PCDH9: variants seen among roughly 807,000 people sequenced by gnomAD.
The protein encoded by PCDH9 is protocadherin 9, also known as protocadherin-9.
Under a neutral mutation model 70.6 loss-of-function variants are expected in PCDH9, and 24 were observed. The ratio of observed to expected loss-of-function variants is 0.34; its 90% CI spans 0.25 to 0.48. The LOEUF (loss-of-function observed/expected upper bound fraction) is 0.48, where lower values mean the gene tolerates loss of function less well. Ranked by LOEUF, PCDH9 falls within the 20% of genes least tolerant of loss-of-function variation. The pLI is 0.99. For missense variants in PCDH9, 1,281 were observed against 1,503.6 expected (o/e 0.85, Z 2.45); for synonymous variants, 562 against 558.5 (o/e 1.01, Z -0.09).
At chr13:66,735,031 G>A (rs1232369399) in intron 3 of PCDH9, among the ~76,000 whole-genome samples, 1 of 152,136 alleles carries the variant, frequency 6.6e-6, no homozygotes, top group African/African-American at 2.4e-5. Flanking sequence ...TAAAATACGA[G>A]GAATAGCTTG....
chr13:66,716,242 C>G (rs1278765148), intron 3 of PCDH9, among the ~76,000 whole-genome samples: 1 of 152,096 alleles, frequency 6.6e-6, no homozygotes, highest in Non-Finnish European at 1.5e-5. Flanking sequence ...AGAAAAATAG[C>G]AGTATGTAGT....
rs57689980 is a variant in PCDH9, at chr13:66,822,494, A to ATT, written c.3138+81008_3138+81009dup. ...TCGTCTGAATTTGTGATGTCCTGGA[A>ATT]TTTTTTTTTTTTTTTTTTTTTGAGA... On this transcript the variant is annotated intron_variant, in intron 3 of 4. Transcript: ENST00000377865. 1.7e-3 allele frequency among the ~76,000 whole-genome samples: 196 copies of ATT among 118,146 alleles called. 4 individuals carry two copies. In the East Asian group the frequency reaches 0.018, roughly 11 times the overall value. The allele number at this position is 118,146 out of a possible 152,430, so 77.5% of individuals were successfully genotyped here. A position where few individuals can be genotyped will look rare whatever the true frequency, so the allele number is the denominator to read the frequency against.
intron 2 of PCDH9, among the ~76,000 whole-genome samples, chr13:67,142,693 A>G (rs2087424397): frequency 6.6e-6 from 1 of 152,172 alleles, no homozygotes. Flanking sequence ...TTTCTGAAAT[A>G]GAAACCTTTG....
chr13:66,388,057 A>AT (rs1956959651), intron 4 of PCDH9, among the ~76,000 whole-genome samples: 1 of 152,208 alleles, frequency 6.6e-6, no homozygotes, highest in Admixed American at 6.5e-5. Flanking sequence ...AGAGAGGGTG[A>AT]TTATTGCAAA....
At chr13:66,693,645 A>C (rs1341296853) in intron 3 of PCDH9, among the ~76,000 whole-genome samples, 1 of 152,200 alleles carries the variant, frequency 6.6e-6, no homozygotes, top group African/African-American at 2.4e-5. Context: ...AATAGCAAAT[A>C]AAAATTGTTT....
chr13:66,673,479 A>G (rs2078204583), intron 3 of PCDH9, among the ~76,000 whole-genome samples: 2 of 152,180 alleles, frequency 1.3e-5, no homozygotes, highest in Non-Finnish European at 2.9e-5. Flanking sequence ...ACACAGAGAC[A>G]GACACACAGA....
chr13:66,353,071 T>G (rs760128878), intron 4 of PCDH9, among the ~76,000 whole-genome samples: 1 of 152,220 alleles, frequency 6.6e-6, no homozygotes, highest in African/African-American at 2.4e-5. Context: ...AATTAAATGC[T>G]GGATAAGGTC....
chr13:66,488,797 A>G (rs1480530694), intron 4 of PCDH9, among the ~76,000 whole-genome samples: 1 of 152,206 alleles, frequency 6.6e-6, no homozygotes, highest in East Asian at 1.9e-4. Flanking sequence ...TGCTGGCATA[A>G]AAAGTGCTAG....
At chr13:66,326,980 G>A (rs542323903) in intron 4 of PCDH9, among the ~76,000 whole-genome samples, 1 of 151,660 alleles carries the variant, frequency 6.6e-6, no homozygotes, top group African/African-American at 2.4e-5. Flanking sequence ...AACGATGAGG[G>A]TTTTTTGTTT....
At chr13:66,866,607 G>A (rs571865522) in intron 3 of PCDH9, among the ~76,000 whole-genome samples, 2 of 152,082 alleles carry the variant, frequency 1.3e-5, no homozygotes, top group East Asian at 3.9e-4. Flanking sequence ...GACCAGCCTG[G>A]CCACTATGGC....
At chr13:66,481,942 G>GCACGCACACA (rs112159517) in intron 4 of PCDH9, among the ~76,000 whole-genome samples, 1 of 148,616 alleles carries the variant, frequency 6.7e-6, no homozygotes, top group East Asian at 2.0e-4. Context: ...ACACATGCAC[G>GCACGCACACA]CACACACACA....
chr13:67,212,474 T>C (rs994225730), intron 2 of PCDH9: 1 of 152,134 alleles, frequency 6.6e-6, no homozygotes, highest in South Asian at 2.1e-4. Context: ...TCTAATGCTG[T>C]TCCTGGATCA....
intron 3 of PCDH9, among the ~76,000 whole-genome samples, chr13:66,730,319 T>A (rs2079056022): frequency 6.6e-6 from 1 of 152,214 alleles, no homozygotes; most frequent in Non-Finnish European, 1.5e-5. Context: ...ATTTTATAAT[T>A]AAAATCAATT....
chr13:66,504,156 A>G (rs894309305), intron 4 of PCDH9, among the ~76,000 whole-genome samples: 2 of 152,152 alleles, frequency 1.3e-5, no homozygotes, highest in Non-Finnish European at 2.9e-5. Context: ...GGTAAATACC[A>G]CCTTCTTAGA....
Position 66,527,041 on chromosome 13 carries a change from C to T in PCDH9, c.3340+104169G>A, listed in dbSNP as rs558899986. 5.9e-5 allele frequency among the ~76,000 whole-genome samples: 9 copies of T among 152,282 alleles called. No individual in the cohort carries two copies. In the South Asian group the frequency reaches 1.2e-3, roughly 21 times the overall value. ...GTAATATTTTGGGGATTTCTATAGT[C>T]CTAGGCCTGCTTTGTGTTGAGATGC... On this transcript the variant is annotated intron_variant, in intron 4 of 4. Coordinates refer to ENST00000377865, the MANE Select transcript of PCDH9 (RefSeq NM_203487.3).
chr13:66,586,198 A>G (rs890476172), intron 4 of PCDH9, among the ~76,000 whole-genome samples: 9 of 152,152 alleles, frequency 5.9e-5, no homozygotes, highest in African/African-American at 2.2e-4. Flanking sequence ...TAGGGAAAGT[A>G]TCAGCATAAT....
intron 2 of PCDH9, chr13:67,215,242 G>T (rs2089575197): frequency 6.6e-6 from 1 of 151,604 alleles, no homozygotes; most frequent in African/African-American, 2.4e-5. Flanking sequence ...AGTTCTATTA[G>T]ACACCAAGTT....
chr13:66,595,362 G>T (rs1040798917), intron 4 of PCDH9, among the ~76,000 whole-genome samples: 2 of 151,708 alleles, frequency 1.3e-5, no homozygotes, highest in Non-Finnish European at 2.9e-5. Context: ...GCCAGGAGAA[G>T]TTATGTTGAA....
At chr13:66,951,116 G>A (rs1035020936) in intron 2 of PCDH9, among the ~76,000 whole-genome samples, 6 of 152,288 alleles carry the variant, frequency 3.9e-5, no homozygotes, top group Admixed American at 2.6e-4. Context: ...CTCTAACACA[G>A]TGCCGCGTAC....
Sources: allele counts gnomAD v4.1 joint callset (sites outside exome capture counted in the v4.1 genomes callset), GRCh38; gene constraint gnomAD v4.1.1; transcripts MANE v1.5; gene names NCBI Gene and HGNC (gene_info 2026-07-23, HGNC 2026-07-21).